Variants in USP50 observed in about 807,000 individuals in gnomAD.
USP50 encodes ubiquitin specific peptidase 50.
A neutral mutation model predicts 39.2 loss-of-function variants in USP50; 37 were observed. That is an observed-to-expected ratio of 0.94 (90% CI 0.73 to 1.24). USP50 has a LOEUF of 1.24. USP50 is among the 50% of genes most tolerant of loss of function. USP50 has a pLI of 0.00. For missense variants in USP50, 374 were observed against 398.2 expected, an observed-to-expected ratio of 0.94 and a Z score of 0.52; for synonymous variants, 139 against 144.5, an observed-to-expected ratio of 0.96 and a Z score of 0.27.
intron 6 of USP50, chr15:50,510,941 TA>T (rs1200925775): frequency 5.3e-5 from 8 of 152,070 alleles, no homozygotes; most frequent in African/African-American, 1.9e-4. Flanking sequence ...CATGCCCGGC[TA>T]ATTTTTTTTG....
chr15:50,521,507 C>T (rs1277821732), intron 6 of USP50, among the ~76,000 whole-genome samples: 1 of 151,974 alleles, frequency 6.6e-6, no homozygotes, highest in Non-Finnish European at 1.5e-5. Context: ...ACAGACGAAG[C>T]CCAAAATTAG....
At chr15:50,508,415 GGTTT>G (rs1471655456) in intron 6 of USP50, 3 of 152,020 alleles carry the variant, frequency 2.0e-5, no homozygotes, top group African/African-American at 4.8e-5. Flanking sequence ...GATGCATGGC[GGTTT>G]GTTATGCTGT....
At chr15:50,494,312 A>G in intron 1 of USP50, 1 of 1,570,220 alleles carries the variant, frequency 6.4e-7, no homozygotes, top group Non-Finnish European at 8.6e-7. Flanking sequence ...AGTTGCAGAG[A>G]CTCTTTAGGG....
At chr15:50,544,220 G>A (rs1380997473) in intron 2 of USP50, among the ~76,000 whole-genome samples, 2 of 151,826 alleles carry the variant, frequency 1.3e-5, no homozygotes, top group Non-Finnish European at 2.9e-5. Context: ...AAATTAGCCA[G>A]GCATGGTGGC....
At chr15:50,540,403 T>C (rs953496305) in intron 4 of USP50, among the ~76,000 whole-genome samples, 1 of 152,206 alleles carries the variant, frequency 6.6e-6, no homozygotes, top group Non-Finnish European at 1.5e-5. Context: ...TACAGACCTC[T>C]GGGGTAAGGG....
At chr15:50,524,767 G>C (rs1473487608) in intron 6 of USP50, among the ~76,000 whole-genome samples, 1 of 152,148 alleles carries the variant, frequency 6.6e-6, no homozygotes, top group Non-Finnish European at 1.5e-5. Flanking sequence ...TCAGATACTT[G>C]GGAGGCTGAA....
At chr15:50,542,778 A>G (rs1166196368) in intron 3 of USP50, among the ~76,000 whole-genome samples, 1 of 152,060 alleles carries the variant, frequency 6.6e-6, no homozygotes, top group Non-Finnish European at 1.5e-5. Flanking sequence ...CGCGAACCAC[A>G]GCGCCTGGCC....
intron 6 of USP50, among the ~76,000 whole-genome samples, chr15:50,523,069 C>T (rs183702658): frequency 2.6e-5 from 4 of 151,498 alleles, no homozygotes; most frequent in Non-Finnish European, 4.4e-5. Flanking sequence ...GCTGAGGACA[C>T]GATCTTATAT....
At chr15:50,525,715 G>GTATA (rs1566907782) in intron 6 of USP50, among the ~76,000 whole-genome samples, 2 of 80,848 alleles carry the variant, frequency 2.5e-5, no homozygotes, top group African/African-American at 8.3e-5. Flanking sequence ...ATGTATATAT[G>GTATA]TATATGTATA....
intron 5 of USP50, among the ~76,000 whole-genome samples, chr15:50,532,432 A>C (rs1263837042): frequency 5.3e-5 from 8 of 152,154 alleles, no homozygotes; most frequent in Non-Finnish European, 7.3e-5. Context: ...GGGACTGAGC[A>C]GCGCTTGTGA....
intron 2 of USP50, 118 bp downstream of exon 2, chr15:50,544,469 C>T (rs1320756651): frequency 5.3e-6 from 5 of 936,226 alleles, no homozygotes; most frequent in South Asian, 2.0e-5. Context: ...TGGGAAGCTA[C>T]AACCTCTACT....
At chr15:50,543,177 C>A (rs1466617816) in intron 3 of USP50, among the ~76,000 whole-genome samples, 1 of 152,070 alleles carries the variant, frequency 6.6e-6, no homozygotes, top group Admixed American at 6.6e-5. Context: ...TTGTAGGTCC[C>A]AAGAAAATTT....
intron 2 of USP50, 109 bp from the exon 3 acceptor site, chr15:50,543,902 C>A: frequency 9.2e-7 from 1 of 1,085,926 alleles, no homozygotes; most frequent in Non-Finnish European, 1.4e-6. Flanking sequence ...GTGTCTCATG[C>A]CTGTAACCCC....
chr15:50,497,040 A>AT (rs768457789), downstream of USP50: 2 of 1,560,308 alleles, frequency 1.3e-6, no homozygotes, highest in Admixed American at 4.0e-5. Context: ...CTCTGACATT[A>AT]TTGAAGAATC....
downstream of USP50, chr15:50,493,783 C>G (rs1222383886): frequency 5.7e-6 from 3 of 526,616 alleles, no homozygotes; most frequent in Admixed American, 2.8e-5. Context: ...TAGTAAAGGA[C>G]AGACAGGATG....
chr15:50,520,840 A>G (rs1302787978), intron 6 of USP50, among the ~76,000 whole-genome samples: 2 of 152,186 alleles, frequency 1.3e-5, no homozygotes, highest in African/African-American at 4.8e-5. Context: ...GGGGAGGATA[A>G]AGAGAGAGGC....
intron 5 of USP50, among the ~76,000 whole-genome samples, chr15:50,536,537 A>G (rs2052981698): frequency 6.6e-6 from 1 of 152,160 alleles, no homozygotes; most frequent in Non-Finnish European, 1.5e-5. Context: ...GCTACTCAGG[A>G]GGCTGAGACT....
At chr15:50,494,430 G>A (rs2052294264) in intron 1 of USP50, 1 of 655,410 alleles carries the variant, frequency 1.5e-6, no homozygotes, top group African/African-American at 1.8e-5. Context: ...AAAACATCAG[G>A]TAAGTGTAAT....
chr15:50,497,313 T>TTTA (rs1461294865), downstream of USP50: 2 of 1,490,462 alleles, frequency 1.3e-6, no homozygotes, highest in African/African-American at 2.8e-5. Flanking sequence ...CTTGTTGTAC[T>TTTA]GCCTGCCATG....
Sources: allele counts gnomAD v4.1 joint callset (sites outside exome capture counted in the v4.1 genomes callset), GRCh38; gene constraint gnomAD v4.1.1; transcripts MANE v1.5; gene names NCBI Gene and HGNC (gene_info 2026-07-23, HGNC 2026-07-21).